The following SULT6B1 variants were observed in gnomAD, a reference collection of about 807,000 sequenced individuals.
SULT6B1 encodes the protein sulfotransferase family 6B member 1.
In SULT6B1, 44 loss-of-function variants were observed where a neutral mutation model predicts 37.2. That is an observed-to-expected ratio of 1.18 (90% CI 0.93 to 1.52). The LOEUF is 1.52. SULT6B1 is among the 40% of genes most tolerant of loss of function. The pLI is 0.00. For missense variants in SULT6B1, 450 were observed against 361.0 expected (o/e 1.25, Z -2.00); for synonymous variants, 140 against 126.0 (o/e 1.11, Z -0.74).
chr2:37,184,184 G>A (rs1483009218), intron 2 of SULT6B1, among the ~76,000 whole-genome samples: 1 of 152,106 alleles, frequency 6.6e-6, no homozygotes, highest in Non-Finnish European at 1.5e-5. Flanking sequence ...CTGTATTCAA[G>A]GTCTTTAACA....
chr2:37,189,573 C>T (rs911271881), upstream of SULT6B1, among the ~76,000 whole-genome samples: 5 of 152,148 alleles, frequency 3.3e-5, no homozygotes, highest in African/African-American at 1.2e-4. Flanking sequence ...GCCCTCCTTA[C>T]CCCAGGGAAG....
upstream of SULT6B1, among the ~76,000 whole-genome samples, chr2:37,193,652 G>GAAGAAGAAGAAGAAGAAGAAGA (rs1420064697): frequency 2.1e-5 from 1 of 46,754 alleles, no homozygotes; most frequent in Non-Finnish European, 5.4e-5. Context: ...GAAGAAGAAG[G>GAAGAAGAAGAAGAAGAAGAAGA]AGAAGAAGGA....
At chr2:37,185,730 A>C (rs1185283229) in intron 2 of SULT6B1, among the ~76,000 whole-genome samples, 4 of 146,202 alleles carry the variant, frequency 2.7e-5, no homozygotes, top group Admixed American at 2.2e-4. Context: ...AAAAAAAAAA[A>C]AAAAAAACAG....
At chr2:37,174,163 C>A (rs115634487) in intron 5 of SULT6B1, among the ~76,000 whole-genome samples, 2 of 151,966 alleles carry the variant, frequency 1.3e-5, no homozygotes, top group Admixed American at 6.6e-5. Flanking sequence ...CTCACTCCCC[C>A]ACTTCCCTCA....
At chr2:37,188,347 C>A (rs1481917652) in intron 1 of SULT6B1, 95 bp downstream of exon 1, 2 of 1,015,916 alleles carry the variant, frequency 2.0e-6, no homozygotes, top group Non-Finnish European at 3.0e-6. Flanking sequence ...CAGATTCCTG[C>A]AATGAGGAAC....
At chr2:37,178,284 C>A (rs1375340921) in intron 4 of SULT6B1, among the ~76,000 whole-genome samples, 2 of 152,090 alleles carry the variant, frequency 1.3e-5, no homozygotes, top group African/African-American at 4.8e-5. Context: ...GTCACCCAGG[C>A]TGGAGTGCAG....
chr2:37,170,182 TTGGCCAGGTGTGG>T (rs1676262505), intron 6 of SULT6B1, among the ~76,000 whole-genome samples: 1 of 152,136 alleles, frequency 6.6e-6, no homozygotes, highest in East Asian at 1.9e-4. Flanking sequence ...TAAGAAGTCA[TTGGCCAGGTGTGG>T]TGGCTCACGC....
chr2:37,193,603 G>GAAGAAGAAGAAGAAGAAA, upstream of SULT6B1, among the ~76,000 whole-genome samples: 1 of 110,302 alleles, frequency 9.1e-6, no homozygotes, highest in East Asian at 2.6e-4. Context: ...AGAAAAAGAA[G>GAAGAAGAAGAAGAAGAAA]AAGAAGAAGA....
intron 1 of SULT6B1, among the ~76,000 whole-genome samples, chr2:37,188,191 C>G (rs564229327): frequency 2.6e-5 from 4 of 152,180 alleles, no homozygotes; most frequent in East Asian, 3.8e-4. Context: ...TCATCCACCC[C>G]CTTCTGCCCT....
chr2:37,189,451 A>G (rs1275188008), upstream of SULT6B1, among the ~76,000 whole-genome samples: 1 of 152,242 alleles, frequency 6.6e-6, no homozygotes, highest in East Asian at 1.9e-4. Context: ...ACCCAAGTGG[A>G]TGACTTCAAG....
At chr2:37,184,119 T>C (rs1190579167) in intron 2 of SULT6B1, among the ~76,000 whole-genome samples, 2 of 152,264 alleles carry the variant, frequency 1.3e-5, no homozygotes, top group East Asian at 3.8e-4. Context: ...AAATCCATTT[T>C]GTTCAAGAGA....
chr2:37,187,999 T>C (rs1676709842), intron 1 of SULT6B1, among the ~76,000 whole-genome samples: 2 of 152,206 alleles, frequency 1.3e-5, no homozygotes, highest in African/African-American at 2.4e-5. Flanking sequence ...TAAAAGTGAT[T>C]TGAGAAACTG....
upstream of SULT6B1, chr2:37,190,050 C>T (rs1282425431): frequency 6.6e-6 from 1 of 152,190 alleles, no homozygotes; most frequent in Non-Finnish European, 1.5e-5. Flanking sequence ...TCGTTCTGAC[C>T]TGTATGTGAA....
At chr2:37,181,880 A>G (rs750557900) in intron 3 of SULT6B1, among the ~76,000 whole-genome samples, 17 of 152,224 alleles carry the variant, frequency 1.1e-4, no homozygotes, top group Non-Finnish European at 2.1e-4. Flanking sequence ...TTCGCGATAT[A>G]AGGAAAAACT....
At chr2:37,181,726 T>C (rs974768114) in intron 3 of SULT6B1, among the ~76,000 whole-genome samples, 3 of 152,128 alleles carry the variant, frequency 2.0e-5, no homozygotes, top group African/African-American at 4.8e-5. Context: ...AATGTGAAAC[T>C]CTGTTCAAAA....
chr2:37,172,513 C>CTT (rs796719619), intron 5 of SULT6B1, among the ~76,000 whole-genome samples: 1 of 147,680 alleles, frequency 6.8e-6, no homozygotes. Flanking sequence ...TTAAATCTCA[C>CTT]TTTTTTTTTT....
chr2:37,184,661 T>G (rs928032726), intron 2 of SULT6B1, among the ~76,000 whole-genome samples: 1 of 152,156 alleles, frequency 6.6e-6, no homozygotes, highest in Non-Finnish European at 1.5e-5. Context: ...GGAAACCCCA[T>G]CTCTACTAAA....
At chr2:37,171,686 C>G in intron 5 of SULT6B1, 96 bp from the exon 6 acceptor site, 1 of 1,144,808 alleles carries the variant, frequency 8.7e-7, no homozygotes, top group Non-Finnish European at 1.2e-6. Flanking sequence ...TTCAGCCTAA[C>G]TCCCTAGTTC....
upstream of SULT6B1, among the ~76,000 whole-genome samples, chr2:37,193,209 A>G (rs1676816756): frequency 6.6e-6 from 1 of 151,528 alleles, no homozygotes; most frequent in South Asian, 2.1e-4. Context: ...TAATACCAGC[A>G]CTTTGGGAGG....
Sources: gnomAD v4.1 joint callset for allele counts (sites outside exome capture counted in the v4.1 genomes callset) on GRCh38, gnomAD v4.1.1 for gene constraint, MANE v1.5 for transcripts, NCBI Gene and HGNC (gene_info 2026-07-23, HGNC 2026-07-21) for gene names.